RELCH: variants seen among roughly 807,000 people sequenced by gnomAD.
RELCH encodes RAB11 binding and LisH domain, coiled-coil and HEAT repeat containing.
Under a neutral mutation model 150.3 loss-of-function variants are expected in RELCH, and 41 were observed. That is an observed-to-expected ratio of 0.27 (90% CI 0.21 to 0.35). The LOEUF is 0.35. RELCH is among the 10% of genes least tolerant of loss of function. The probability of loss-of-function intolerance (pLI) is 1.00; values close to 1 mark genes in which losing one functional copy is unlikely to be tolerated. For synonymous variants in RELCH, 478 were observed against 531.8 expected (o/e 0.90, Z 1.39); for missense variants, 1,092 against 1,467.8 (o/e 0.74, Z 4.18).
At chr18:62,262,493 T>A (rs920822722) in intron 16 of RELCH, among the ~76,000 whole-genome samples, 1 of 152,186 alleles carries the variant, frequency 6.6e-6, no homozygotes, top group Middle Eastern at 3.4e-3. Flanking sequence ...ATTTGGAGTA[T>A]GATGCAGTGT....
intron 19 of RELCH, among the ~76,000 whole-genome samples, chr18:62,267,434 ATGTG>A (rs145946546): frequency 9.8e-4 from 141 of 143,502 alleles, no homozygotes; most frequent in African/African-American, 3.1e-3. Context: ...GTATATATGT[ATGTG>A]TGTGTGTGTG....
At chr18:62,257,597 C>T (rs2043052277) in intron 13 of RELCH, among the ~76,000 whole-genome samples, 1 of 151,894 alleles carries the variant, frequency 6.6e-6, no homozygotes, top group Admixed American at 6.6e-5. Context: ...GTTGAAAGTG[C>T]CTCCTAGTGT....
chr18:62,201,889 T>C (rs2039475522), intron 1 of RELCH, among the ~76,000 whole-genome samples: 1 of 152,190 alleles, frequency 6.6e-6, no homozygotes, highest in African/African-American at 2.4e-5. Context: ...GCCATGTAGT[T>C]TTCAAGGATC....
chr18:62,253,686 T>C (rs2042847388), intron 12 of RELCH, among the ~76,000 whole-genome samples: 1 of 152,106 alleles, frequency 6.6e-6, no homozygotes. Context: ...ATTCATTTTT[T>C]CCACCAAAAT....
intron 16 of RELCH, among the ~76,000 whole-genome samples, chr18:62,262,297 G>A (rs149802313): frequency 3.9e-4 from 60 of 152,060 alleles, no homozygotes; most frequent in East Asian, 7.7e-4. Context: ...GCACCTTAAC[G>A]TCCAGGACAA....
At chr18:62,196,316 G>C (rs1169729825) in intron 1 of RELCH, among the ~76,000 whole-genome samples, 2 of 152,038 alleles carry the variant, frequency 1.3e-5, no homozygotes, top group East Asian at 3.9e-4. Flanking sequence ...TGCAACCTCT[G>C]CCTCCTGGGT....
Position 62,308,110 on chromosome 18 carries a change from C to T in RELCH, c.*2576C>T, listed in dbSNP as rs1292911243. The T allele has an allele frequency of 6.6e-6, 1 of 152,182 alleles. No homozygotes were observed. Among genetic ancestry groups the T allele is most frequent in the Admixed American group, 6.5e-5 (1 of 15,284 alleles). 9.4% of individuals were successfully genotyped at this position (152,182 alleles called of 1,614,324 possible). On this transcript the variant is annotated 3_prime_UTR_variant, in exon 29 of 29. Coordinates refer to ENST00000644646, the MANE Select transcript of RELCH (RefSeq NM_001346231.2). ...TATAATTCTAATGGGGGTCTCAAGT[C>T]AAGGTGCTATCACATTCTTGTTTTT...
intron 24 of RELCH, among the ~76,000 whole-genome samples, chr18:62,281,928 A>G (rs529974946): frequency 6.6e-6 from 1 of 152,222 alleles, no homozygotes; most frequent in Non-Finnish European, 1.5e-5. Context: ...TTAATGACTC[A>G]TTGCTTTCAG....
chr18:62,224,718 C>G (rs1483106127), intron 5 of RELCH, among the ~76,000 whole-genome samples: 1 of 152,042 alleles, frequency 6.6e-6, no homozygotes, highest in Non-Finnish European at 1.5e-5. Flanking sequence ...CTGAAAGCTA[C>G]TTAACATTGA....
intron 2 of RELCH, among the ~76,000 whole-genome samples, chr18:62,215,131 A>G (rs1020411595): frequency 5.3e-5 from 8 of 152,036 alleles, no homozygotes; most frequent in Non-Finnish European, 8.8e-5. Flanking sequence ...CCATCTCCCA[A>G]TGATTTAATT....
At chr18:62,279,096 G>A (rs1231628552) in intron 22 of RELCH, among the ~76,000 whole-genome samples, 2 of 152,116 alleles carry the variant, frequency 1.3e-5, no homozygotes, top group East Asian at 3.8e-4. Flanking sequence ...ATTTTCAGAT[G>A]AGAAAACTTG....
In RELCH at chr18:62,269,444, T is replaced by G. The variant is rs567532043; in HGVS notation, c.2760+496T>G. 263 of 421,924 alleles carry G rather than the reference T, an allele frequency of 6.2e-4. 1 individual carries two copies. Among genetic ancestry groups the G allele is most frequent in the African/African-American group, 5.2e-3 (255 of 48,984 alleles). 26.1% of individuals were successfully genotyped at this position (421,924 alleles called of 1,614,324 possible). ...GTATTTGCATATACATAATGAGATA[T>G]CTTGGGAATGGGACCCAAGTCTAAA... On this transcript the variant is annotated intron_variant, in intron 20 of 28. Coordinates refer to ENST00000644646, the MANE Select transcript of RELCH (RefSeq NM_001346231.2).
chr18:62,259,189 T>C (rs2043137200), intron 15 of RELCH, among the ~76,000 whole-genome samples: 1 of 152,046 alleles, frequency 6.6e-6, no homozygotes, highest in African/African-American at 2.4e-5. Flanking sequence ...AATTTTTGTA[T>C]TAAAAGTTTC....
chr18:62,259,956 GA>G (rs1421152976), intron 15 of RELCH, among the ~76,000 whole-genome samples: 2 of 151,672 alleles, frequency 1.3e-5, no homozygotes, highest in Non-Finnish European at 3.0e-5. Context: ...ACTACTAAAA[GA>G]AAACATTGTT....
chr18:62,235,000 C>A (rs1599962648), intron 10 of RELCH: 1 of 151,694 alleles, frequency 6.6e-6, no homozygotes, highest in Non-Finnish European at 1.5e-5. Context: ...TTTTAAGAAA[C>A]CATTGCCAAG....
At position 62,305,367 on chromosome 18, in the gene RELCH, T is replaced by G; in HGVS notation, c.3531-47T>G. On this transcript the variant is annotated intron_variant, in intron 28 of 28. Transcript: ENST00000644646. This position sits in a 1 kb window ranked among gnomAD's most constrained non-coding sequence, Gnocchi z 4.0. ...TATGCTACTAAATAAATGAAAAATT[T>G]TTATTTTTTTAATTGCTTTACATGA... 1 of 1,543,902 alleles carries G rather than the reference T, an allele frequency of 6.5e-7. No homozygotes were observed. Among genetic ancestry groups the G allele is most frequent in the South Asian group, 1.2e-5 (1 of 81,088 alleles).
intron 1 of RELCH, among the ~76,000 whole-genome samples, chr18:62,193,101 G>A (rs375983124): frequency 1.1e-4 from 17 of 151,954 alleles, no homozygotes; most frequent in South Asian, 6.2e-4. Context: ...TGTTAGCTGC[G>A]TTCCTAGGTA....
chr18:62,267,602 G>C (rs2043658068), intron 19 of RELCH, among the ~76,000 whole-genome samples: 1 of 151,232 alleles, frequency 6.6e-6, no homozygotes, highest in African/African-American at 2.4e-5. Flanking sequence ...CTCAGAAGTA[G>C]TCAGAAAATG....
At chr18:62,208,862 C>A (rs1599836785) in intron 1 of RELCH, among the ~76,000 whole-genome samples, 3 of 152,264 alleles carry the variant, frequency 2.0e-5, no homozygotes, top group African/African-American at 7.2e-5. Flanking sequence ...TAGTAGAAAT[C>A]TCACAGTGGG....
Sources: gnomAD v4.1 joint callset for allele counts (sites outside exome capture counted in the v4.1 genomes callset) on GRCh38, gnomAD v4.1.1 for gene constraint, Gnocchi (gnomAD v3.1) non-coding constraint, MANE v1.5 for transcripts, NCBI Gene and HGNC (gene_info 2026-07-23, HGNC 2026-07-21) for gene names.